The following PCDHGB1 variants were observed in gnomAD, a reference collection of about 807,000 sequenced individuals.
PCDHGB1 encodes protocadherin gamma-B1.
Under a neutral mutation model 56.6 loss-of-function variants are expected in PCDHGB1, and 34 were observed. The ratio of observed to expected loss-of-function variants is 0.60; its 90% confidence interval spans 0.46 to 0.80. The LOEUF is 0.80. PCDHGB1 is among the 30% of genes least tolerant of loss of function. The probability of loss-of-function intolerance (pLI) is 0.00; values close to 1 mark genes in which losing one functional copy is unlikely to be tolerated. For synonymous variants in PCDHGB1, 561 were observed against 505.9 expected, an observed-to-expected ratio of 1.11 and a Z score of -1.46; for missense variants, 1,278 against 1,204.6, an observed-to-expected ratio of 1.06 and a Z score of -0.90.
At chr5:141,413,271 C>T in intron 1 of PCDHGB1, 1 of 1,613,940 alleles carries the variant, frequency 6.2e-7, no homozygotes, top group Non-Finnish European at 8.5e-7. Flanking sequence ...AGGCTGGAGC[C>T]CGGCAGATCT....
chr5:141,405,595 A>C (rs1255161296), intron 1 of PCDHGB1: 1 of 578,138 alleles, frequency 1.7e-6, no homozygotes, highest in Non-Finnish European at 3.1e-6. Flanking sequence ...CAGGCCTCCC[A>C]AGTAGAATAA....
In PCDHGB1 at chr5:141,366,007, G is replaced by A. The variant is rs764457320; in HGVS notation, c.2409+13338G>A. 6.2e-6 allele frequency: 10 copies of A among 1,614,058 alleles called. No homozygotes were observed. In the Admixed American group the frequency reaches 6.7e-5, roughly 11 times the overall value. The stretch of plus-strand genomic sequence containing the variant: ...TTGTGCTGGACCAGAACGACAATAC[G>A]CCTGAGATCCTGTACCCCGCCCTCC... On this transcript the variant is annotated intron_variant, in intron 1 of 3. Transcript: ENST00000523390.
At chr5:141,415,828 G>A (rs1178303711) in intron 1 of PCDHGB1, 4 of 1,293,274 alleles carry the variant, frequency 3.1e-6, no homozygotes, top group Non-Finnish European at 3.0e-6. Flanking sequence ...ATAAGGCTTT[G>A]TTATGATTAG....
rs202065305 is a variant in PCDHGB1 at position 141,410,175 on chromosome 5, C to A, written c.2409+57506C>A. 1.1e-5 allele frequency: 17 copies of A among 1,613,752 alleles called. No homozygotes were observed. In the African/African-American group the frequency reaches 2.1e-4, roughly 20 times the overall value. ...GGACAGCCGCCACTCTCTGCCACCG[C>A]CACGCTTCATCTGGTCTTCGCAGAC... On this transcript the variant is annotated intron_variant, in intron 1 of 3. Transcript: ENST00000523390.
rs765534200 is a variant in PCDHGB1 at position 141,410,067 on chromosome 5, G to A, written c.2409+57398G>A. 8.1e-6 allele frequency: 13 copies of A among 1,612,846 alleles called. No individual in the cohort carries two copies. In the South Asian group the frequency reaches 1.3e-4, roughly 16 times the overall value. ...CCCGGACTCTTCAGCCTGGGGCTGC[G>A]CACTGGGGAGGTGCGCACGGCTCGA... is the stretch of plus-strand genomic sequence containing the variant. On this transcript the variant is annotated intron_variant, in intron 1 of 3. Transcript: ENST00000523390.
rs758066525 is a variant in PCDHGB1, at chr5:141,477,331, T to C, written c.2410-17476T>C. The C allele has an allele frequency of 7.4e-6, 12 of 1,614,024 alleles. No individual in the cohort carries two copies. In the East Asian group the frequency reaches 1.1e-4, roughly 15 times the overall value. Reference sequence around the variant, plus strand: ...TCAGCCTTACTTCTTCCCTCAAGAATTACTTCACTTTGAAAACCAGTGCAG... The same window carrying C: ...TCAGCCTTACTTCTTCCCTCAAGAACTACTTCACTTTGAAAACCAGTGCAG... On this transcript the variant is annotated intron_variant, in intron 1 of 3. Coordinates refer to ENST00000523390, the MANE Select transcript of PCDHGB1 (RefSeq NM_018922.3). This position sits in a 1 kb window ranked among gnomAD's most constrained non-coding sequence, Gnocchi z 4.9.
rs1372368815 is a variant in PCDHGB1 at position 141,491,370 on chromosome 5, C to T, written c.2410-3437C>T. 3 of 1,614,038 alleles carry T rather than the reference C, an allele frequency of 1.9e-6. No individual in the cohort carries two copies. The highest frequency in any genetic ancestry group is 2.2e-5 in the East Asian group (1 of 44,880). ...GTCTCTTATCCCTAGTCACCTTCAC[C>T]TTTCTGTCAGCGAAGTGCCTTCAGG... On this transcript the variant is annotated intron_variant, in intron 1 of 3. Transcript: ENST00000523390. The surrounding 1 kb of genome is among the most constrained non-coding windows in gnomAD (Gnocchi z 6.9).
intron 3 of PCDHGB1, 72 bp from the exon 4 acceptor site, chr5:141,510,875 C>T: frequency 6.2e-7 from 1 of 1,610,120 alleles, no homozygotes; most frequent in Admixed American, 1.7e-5. Context: ...TCATTAACTG[C>T]TGGGGATATA....
intron 1 of PCDHGB1, among the ~76,000 whole-genome samples, chr5:141,433,408 A>ATCTATCTATCTATCT (rs1413347413): frequency 7.9e-6 from 1 of 127,280 alleles, no homozygotes; most frequent in African/African-American, 2.9e-5. Flanking sequence ...TCTATCTATT[A>ATCTATCTATCTATCT]CTTTCTTGTA....
intron 1 of PCDHGB1, chr5:141,419,357 AC>A (rs1185938270): frequency 3.7e-6 from 6 of 1,613,814 alleles, no homozygotes; most frequent in Non-Finnish European, 4.2e-6. Context: ...GGAGTCACGA[AC>A]GCTGTCGTCC....
rs906251737 is a variant in PCDHGB1, at chr5:141,351,464, A to C, written c.1204A>C (p.Ile402Leu). Residue 402 changes from isoleucine (I) to leucine (L), a missense_variant, in exon 1 of 4, where the codon ATT becomes CTT. By Grantham distance (5) the Ile-to-Leu change is conservative. Coordinates refer to ENST00000523390, the MANE Select transcript of PCDHGB1 (RefSeq NM_018922.3). The part of the protein sequence containing the change: ...STSKNYYKLV[I>L]AGALNREQTA... The stretch of plus-strand genomic sequence containing the variant: ...CTCGAAGAATTATTACAAGCTGGTG[A>C]TTGCTGGAGCCCTAAACCGGGAGCA... 3.1e-6 allele frequency: 5 copies of C among 1,613,718 alleles called. No homozygotes were observed. The highest frequency in any genetic ancestry group is 4.2e-6 in the Non-Finnish European group (5 of 1,179,736).
chr5:141,439,800 T>C (rs1393580217), intron 1 of PCDHGB1: 1 of 152,300 alleles, frequency 6.6e-6, no homozygotes, highest in Admixed American at 6.5e-5. Context: ...CAAGAAGAGT[T>C]TGAAAAGGGG....
At chr5:141,421,213 G>C (rs916345810) in intron 1 of PCDHGB1, 3 of 1,548,472 alleles carry the variant, frequency 1.9e-6, no homozygotes, top group Admixed American at 4.1e-5. Context: ...GCGGAATATC[G>C]GCTTAGAGCC....
intron 1 of PCDHGB1, chr5:141,478,473 A>G (rs2099458384): frequency 6.2e-7 from 1 of 1,613,742 alleles, no homozygotes; most frequent in African/African-American, 1.3e-5. Context: ...GCCAGCCGCC[A>G]GAACACGCTG....
chr5:141,420,934 C>A (rs2096533899), intron 1 of PCDHGB1: 2 of 377,936 alleles, frequency 5.3e-6, no homozygotes, highest in South Asian at 5.3e-5. Flanking sequence ...TGAGCGTAAT[C>A]ATTTCTTCTG....
chr5:141,409,217 G>T (rs1394491727), intron 1 of PCDHGB1: 3 of 1,613,852 alleles, frequency 1.9e-6, no homozygotes, highest in Non-Finnish European at 2.5e-6. Flanking sequence ...AGAAATCCTT[G>T]ATGAAAACGA....
chr5:141,372,648 T>C, intron 1 of PCDHGB1: 1 of 1,614,024 alleles, frequency 6.2e-7, no homozygotes, highest in Non-Finnish European at 8.5e-7. Flanking sequence ...GCCTTATTCC[T>C]ACAATCCGTG....
intron 1 of PCDHGB1, chr5:141,395,537 ATTGT>A (rs1179408656): frequency 3.7e-5 from 9 of 243,938 alleles, no homozygotes; most frequent in Admixed American, 8.6e-5. Context: ...TAATTTTGCT[ATTGT>A]TTGTGTGTGT....
In PCDHGB1 at chr5:141,413,182, G is replaced by C. The variant is rs752788034; in HGVS notation, c.2409+60513G>C. On this transcript the variant is annotated intron_variant, in intron 1 of 3. Transcript: ENST00000523390. ...ATTCTGTAACCAGACTACAATGGCCGCTCAAAGGAATCGCTCAAAGGAATC... is the reference window on the plus strand; with the variant it reads ...ATTCTGTAACCAGACTACAATGGCCCCTCAAAGGAATCGCTCAAAGGAATC... 3.1e-6 allele frequency: 5 copies of C among 1,604,164 alleles called. No homozygotes were observed. In the South Asian group the frequency reaches 5.5e-5, roughly 18 times the overall value.
Sources: gnomAD v4.1 joint callset for allele counts (sites outside exome capture counted in the v4.1 genomes callset) on GRCh38, gnomAD v4.1.1 for gene constraint, Gnocchi (gnomAD v3.1) non-coding constraint, MANE v1.5 for transcripts, NCBI Gene and HGNC (gene_info 2026-07-23, HGNC 2026-07-21) for gene names.